Variants in DNAJC6 observed in about 807,000 individuals in gnomAD.
The protein encoded by DNAJC6 is auxilin.
A neutral mutation model predicts 110.0 loss-of-function variants in DNAJC6; 34 were observed. That is an observed-to-expected ratio of 0.31 (90% CI 0.24 to 0.41). The LOEUF (loss-of-function observed/expected upper bound fraction) is 0.41. Ranked by LOEUF, DNAJC6 falls within the 10% of genes least tolerant of loss-of-function variation. DNAJC6 has a pLI of 1.00. For synonymous variants in DNAJC6, 406 were observed against 437.2 expected, an observed-to-expected ratio of 0.93 and a Z score of 0.89; for missense variants, 1,031 against 1,207.8, an observed-to-expected ratio of 0.85 and a Z score of 2.17.
chr1:65,306,608 C>CA (rs1557511436), upstream of DNAJC6: 1 of 152,246 alleles, frequency 6.6e-6, no homozygotes, highest in East Asian at 1.9e-4. Flanking sequence ...AGAGAAAAGA[C>CA]AAAGGGAATG....
intron 12 of DNAJC6, among the ~76,000 whole-genome samples, chr1:65,393,947 A>C (rs1645953206): frequency 6.6e-6 from 1 of 152,158 alleles, no homozygotes. Context: ...TCAAGCTCCA[A>C]TGTTAGCTAT....
chr1:65,389,218 T>G (rs1318783489), intron 9 of DNAJC6, 38 bp from the exon 10 acceptor site: 1 of 1,580,078 alleles, frequency 6.3e-7, no homozygotes, highest in Admixed American at 1.7e-5. Flanking sequence ...AGTTCCATTG[T>G]TTTTCACTGA....
At chr1:65,402,974 A>T (rs1396019298) in intron 15 of DNAJC6, among the ~76,000 whole-genome samples, 1 of 152,200 alleles carries the variant, frequency 6.6e-6, no homozygotes, top group Non-Finnish European at 1.5e-5. Context: ...TGATTCATCC[A>T]ACAAGTATTT....
intron 1 of DNAJC6, among the ~76,000 whole-genome samples, chr1:65,319,958 TG>T (rs1476202821): frequency 6.6e-6 from 1 of 152,200 alleles, no homozygotes; most frequent in Non-Finnish European, 1.5e-5. Context: ...TGAGTCAGCA[TG>T]CCTGGGAGAT....
At chr1:65,358,165 C>T (rs756286245) in intron 1 of DNAJC6, among the ~76,000 whole-genome samples, 14 of 110,266 alleles carry the variant, frequency 1.3e-4, no homozygotes, top group East Asian at 2.9e-4. Flanking sequence ...GGCGATAGAG[C>T]GAGACTCAGT....
intron 1 of DNAJC6, among the ~76,000 whole-genome samples, chr1:65,317,346 A>G (rs1645157480): frequency 6.6e-6 from 1 of 152,238 alleles, no homozygotes; most frequent in African/African-American, 2.4e-5. Flanking sequence ...TCTGAGGAGA[A>G]GTTCTTCACG....
chr1:65,349,507 G>T (rs1645471131), intron 1 of DNAJC6, among the ~76,000 whole-genome samples: 1 of 151,992 alleles, frequency 6.6e-6, no homozygotes, highest in South Asian at 2.1e-4. Flanking sequence ...TATAATGCAG[G>T]TCAATTAGCA....
At chr1:65,293,011 G>T (rs962788504) in intron 1 of DNAJC6, among the ~76,000 whole-genome samples, 1 of 152,196 alleles carries the variant, frequency 6.6e-6, no homozygotes, top group Non-Finnish European at 1.5e-5. Flanking sequence ...TGGAGAAGGA[G>T]AAGAGGAGCC....
At chr1:65,383,641 G>A (rs541982088) in intron 5 of DNAJC6, among the ~76,000 whole-genome samples, 1 of 152,236 alleles carries the variant, frequency 6.6e-6, no homozygotes, top group East Asian at 1.9e-4. Context: ...CCTCCCCAAA[G>A]CTCCACCTCC....
chr1:65,396,233 C>A (rs1400516330), intron 13 of DNAJC6, among the ~76,000 whole-genome samples: 2 of 152,134 alleles, frequency 1.3e-5, no homozygotes, highest in Non-Finnish European at 2.9e-5. Context: ...GAGAGAGTCT[C>A]CTGATTGGAT....
At chr1:65,266,039 C>A (rs1653313470) in intron 1 of DNAJC6, among the ~76,000 whole-genome samples, 1 of 152,236 alleles carries the variant, frequency 6.6e-6, no homozygotes. Context: ...CTTGGGTGCG[C>A]AGGTGGGGGC....
At chr1:65,378,045 G>A (rs766834559) in intron 4 of DNAJC6, among the ~76,000 whole-genome samples, 1 of 151,728 alleles carries the variant, frequency 6.6e-6, no homozygotes, top group Non-Finnish European at 1.5e-5. Flanking sequence ...TGCACACACT[G>A]CCACCATGTA....
Position 65,395,006 on chromosome 1 carries a change from C to T in DNAJC6, c.2012C>T (p.Thr671Ile). The T allele has an allele frequency of 2.5e-6, 4 of 1,611,346 alleles. No homozygotes were observed. Among genetic ancestry groups the T allele is most frequent in the Non-Finnish European group, 3.4e-6 (4 of 1,179,170 alleles). The change falls in exon 13 of 19, where the codon ACA becomes ATA. Residue 671 changes from threonine to isoleucine, a missense_variant. Transcript: ENST00000371069. ...TCCAGTGACCCCTTTCTCCAGCCAA[C>T]AAGAAGTCCTTCGCCCACAGTACAT... ...SASSDPFLQP[T>I]RSPSPTVHAS...
intron 4 of DNAJC6, among the ~76,000 whole-genome samples, chr1:65,377,256 A>G (rs1382266125): frequency 6.6e-6 from 1 of 152,250 alleles, no homozygotes; most frequent in Admixed American, 6.5e-5. Flanking sequence ...AGAGAAGAAA[A>G]TACATTGCAG....
intron 1 of DNAJC6, among the ~76,000 whole-genome samples, chr1:65,347,676 C>A (rs1645450057): frequency 6.6e-6 from 1 of 151,728 alleles, no homozygotes; most frequent in Non-Finnish European, 1.5e-5. Flanking sequence ...TGCTTTTTAC[C>A]TCTTTTCCCC....
intron 1 of DNAJC6, among the ~76,000 whole-genome samples, chr1:65,312,402 C>T (rs1645109556): frequency 6.6e-6 from 1 of 152,202 alleles, no homozygotes; most frequent in Non-Finnish European, 1.5e-5. Context: ...GTTCTTTCTT[C>T]TAAGATCCTC....
At chr1:65,312,528 A>G (rs950441561) in intron 1 of DNAJC6, among the ~76,000 whole-genome samples, 1 of 152,192 alleles carries the variant, frequency 6.6e-6, no homozygotes, top group African/African-American at 2.4e-5. Flanking sequence ...TTGTACTGTG[A>G]CATGCTGGAT....
chr1:65,369,021 C>A (rs1460585760), intron 4 of DNAJC6, among the ~76,000 whole-genome samples: 1 of 152,044 alleles, frequency 6.6e-6, no homozygotes, highest in Non-Finnish European at 1.5e-5. Flanking sequence ...CCACCTGCCT[C>A]AGCCTCCCAA....
chr1:65,402,138 G>A (rs1266151156), intron 15 of DNAJC6, among the ~76,000 whole-genome samples: 2 of 152,218 alleles, frequency 1.3e-5, no homozygotes, highest in Non-Finnish European at 2.9e-5. Flanking sequence ...TAAAGTTAGA[G>A]CTTTCAGGGG....
Sources: allele counts gnomAD v4.1 joint callset (sites outside exome capture counted in the v4.1 genomes callset), GRCh38; gene constraint gnomAD v4.1.1; transcripts MANE v1.5; gene names NCBI Gene and HGNC (gene_info 2026-07-23, HGNC 2026-07-21).